Variants in FREM3 observed in about 807,000 individuals in gnomAD.
FREM3 encodes FRAS1 related extracellular matrix 3, also known as FRAS1-related extracellular matrix protein 3.
A neutral mutation model predicts 129.1 loss-of-function variants in FREM3; 105 were observed. The ratio of observed to expected loss-of-function variants is 0.81; its 90% CI spans 0.69 to 0.96. The LOEUF (loss-of-function observed/expected upper bound fraction) is 0.96. Among genes scored for constraint, FREM3 ranks in the 40% least tolerant of loss-of-function variants. The pLI, the probability that FREM3 is intolerant of heterozygous loss-of-function variation, is 0.00. For missense variants in FREM3, 2,593 were observed against 2,666.3 expected (o/e 0.97, Z 0.61); for synonymous variants, 1,014 against 1,044.9 (o/e 0.97, Z 0.57).
chr4:143,595,608 C>A (rs1738456686), intron 6 of FREM3, among the ~76,000 whole-genome samples: 1 of 152,094 alleles, frequency 6.6e-6, no homozygotes. Flanking sequence ...AAGAAGGGAG[C>A]CGGGCACCGT....
chr4:143,654,183 A>G (rs1739558368), intron 2 of FREM3, among the ~76,000 whole-genome samples: 1 of 152,210 alleles, frequency 6.6e-6, no homozygotes. Context: ...GCCCACTGCA[A>G]CATGCGCCTG....
chr4:143,645,281 A>T (rs557122851), intron 2 of FREM3: 1 of 152,178 alleles, frequency 6.6e-6, no homozygotes. Flanking sequence ...GCACCAATTT[A>T]CTCTGATTGA....
At chr4:143,616,146 A>C (rs894576755) in intron 5 of FREM3, among the ~76,000 whole-genome samples, 11 of 152,260 alleles carry the variant, frequency 7.2e-5, no homozygotes, top group African/African-American at 2.7e-4. Flanking sequence ...CAAAGTGCTT[A>C]ACAATGGAAG....
chr4:143,664,198 T>C (rs1739804245), intron 2 of FREM3, among the ~76,000 whole-genome samples: 1 of 152,154 alleles, frequency 6.6e-6, no homozygotes, highest in South Asian at 2.1e-4. Flanking sequence ...GCTCTGTTTT[T>C]TCCCCATCTT....
At chr4:143,663,818 G>A (rs13105235) in intron 2 of FREM3, among the ~76,000 whole-genome samples, 38 of 151,596 alleles carry the variant, frequency 2.5e-4, no homozygotes, top group Non-Finnish European at 3.5e-4. Context: ...TTCCCTTCTC[G>A]CTTCATTTCA....
chr4:143,699,799 G>C lies in FREM3; in HGVS notation c.877C>G (p.Leu293Val), dbSNP rs1001115037. ...GVLVREHFQL[L>V]VRIRGGAENT... ...TCGGCTCCGCCGCGGATCCTCACGA[G>C]CAGCTGGAAGTGCTCGCGGACCAGC... The change falls in exon 1 of 8, where the codon CTC (leucine) becomes GTC (valine). Residue 293 changes from leucine to valine, a missense_variant. Physicochemically the swap from Leu to Val is conservative, Grantham distance 32. This residue lies in a region of FREM3 where 2,276 missense variants were observed against 2,267.2 expected (regional missense o/e 1.00). Transcript: ENST00000329798. This position sits in a 1 kb window ranked among gnomAD's most constrained non-coding sequence, Gnocchi z 4.2. 7.8e-6 allele frequency: 12 copies of C among 1,536,088 alleles called. No homozygotes were observed. Among genetic ancestry groups the C allele is most frequent in the Non-Finnish European group, 1.0e-5 (12 of 1,146,704 alleles).
intron 6 of FREM3, among the ~76,000 whole-genome samples, chr4:143,592,090 T>C (rs1205078759): frequency 3.3e-5 from 5 of 152,230 alleles, no homozygotes; most frequent in Non-Finnish European, 7.3e-5. Context: ...TTCCATTTGC[T>C]TGGTAGATCT....
intron 2 of FREM3, among the ~76,000 whole-genome samples, chr4:143,650,847 G>T (rs1029583432): frequency 6.6e-6 from 1 of 152,144 alleles, no homozygotes; most frequent in Non-Finnish European, 1.5e-5. Flanking sequence ...ACCCTCTCCA[G>T]TGTACAGGCT....
intron 2 of FREM3, among the ~76,000 whole-genome samples, chr4:143,691,750 T>G (rs1256102583): frequency 6.6e-6 from 1 of 152,210 alleles, no homozygotes; most frequent in African/African-American, 2.4e-5. Flanking sequence ...TACATAATAT[T>G]CACCTTACAG....
intron 2 of FREM3, among the ~76,000 whole-genome samples, chr4:143,648,823 C>A (rs1259803655): frequency 6.6e-6 from 1 of 152,168 alleles, no homozygotes; most frequent in African/African-American, 2.4e-5. Context: ...AGTGCAATGG[C>A]ATGATCATAG....
chr4:143,698,938 G>C lies in FREM3; in HGVS notation c.1738C>G (p.His580Asp). ...TDIDSEDSTI[H>D]FVLENQPLKG... The stretch of plus-strand genomic sequence containing the variant: ...AGGGGCTGGTTCTCCAGCACAAAGT[G>C]GATGGTTGAGTCCTCAGAGTCAATA... Residue 580 changes from histidine to aspartate, a missense_variant, in exon 1 of 8, where the codon CAC becomes GAC. Transcript: ENST00000329798. The C allele has an allele frequency of 6.5e-7, 1 of 1,537,274 alleles. No individual in the cohort carries two copies. The highest frequency in any genetic ancestry group is 8.7e-7 in the Non-Finnish European group (1 of 1,146,920).
In FREM3 at chr4:143,700,070, G is replaced by T. The variant is rs1387798191; in HGVS notation, c.606C>A (p.Ala202=). The part of the protein sequence containing the change: ...VLDFASLKSG[A]TATRRCRLTP... The stretch of plus-strand genomic sequence containing the variant: ...TAAGCCGGCACCTGCGGGTGGCCGT[G>T]GCTCCAGACTTCAGGGAGGCGAAGT... Residue 202 remains alanine (A), a synonymous_variant, in exon 1 of 8, where the codon GCC becomes GCA. Coordinates refer to ENST00000329798, the MANE Select transcript of FREM3 (RefSeq NM_001168235.2). 5 of 1,525,108 alleles carry T rather than the reference G, an allele frequency of 3.3e-6. No individual in the cohort carries two copies. The highest frequency in any genetic ancestry group is 4.4e-6 in the Non-Finnish European group (5 of 1,137,936). The allele number at this position is 1,525,108 out of a possible 1,614,324, so 94.5% of individuals were successfully genotyped here. A position where few individuals can be genotyped will look rare whatever the true frequency, so the allele number is the denominator to read the frequency against.
Position 143,698,446 on chromosome 4 carries a change from G to A in FREM3, c.2230C>T (p.Leu744=), listed in dbSNP as rs1376795552. ...TCTGTGTCAGTCGGGAGTGTCAGTAGGGTGTACCATAGGTTCTGGTCATCA... is the reference window on the plus strand; with the variant it reads ...TCTGTGTCAGTCGGGAGTGTCAGTAAGGTGTACCATAGGTTCTGGTCATCA... The part of the protein sequence containing the change: ...DSDDQNLWYT[L]LTLPTDTDGN... The change falls in exon 1 of 8, where the codon CTA becomes TTA. Residue 744 remains leucine (L), a synonymous_variant. Coordinates refer to ENST00000329798, the MANE Select transcript of FREM3 (RefSeq NM_001168235.2). 15 of 1,537,882 alleles carry A rather than the reference G, an allele frequency of 9.8e-6. No individual in the cohort carries two copies. In the East Asian group the frequency reaches 3.7e-4, roughly 38 times the overall value.
Position 143,697,126 on chromosome 4 carries a change from T to G in FREM3, c.3550A>C (p.Ile1184Leu), listed in dbSNP as rs760430316. ...INFSPNVFFPIIILPTNDEQP... is the reference protein window; with the variant it reads ...INFSPNVFFPLIILPTNDEQP... ...TCATCATTGGTGGGTAGGATGATTA[T>G]AGGGAAGAAGACATTTGGGGAGAAG... The change falls in exon 1 of 8, where the codon ATA becomes CTA. Residue 1184 changes from isoleucine (I) to leucine (L), a missense_variant. Around this residue, in one of 2 missense-constraint regions of FREM3, gnomAD observed 2,276 missense variants for 2,267.2 expected, o/e 1.00. Coordinates refer to ENST00000329798, the MANE Select transcript of FREM3 (RefSeq NM_001168235.2). 5 of 1,537,736 alleles carry G rather than the reference T, an allele frequency of 3.3e-6. No homozygotes were observed. The highest frequency in any genetic ancestry group is 3.5e-6 in the Non-Finnish European group (4 of 1,147,044).
At chr4:143,667,553 C>T (rs1739886219) in intron 2 of FREM3, among the ~76,000 whole-genome samples, 1 of 151,844 alleles carries the variant, frequency 6.6e-6, no homozygotes, top group Non-Finnish European at 1.5e-5. Flanking sequence ...TTTTTTCTCC[C>T]AGTTCCTTGC....
chr4:143,624,986 A>C (rs1160878482), intron 3 of FREM3, among the ~76,000 whole-genome samples: 1 of 152,126 alleles, frequency 6.6e-6, no homozygotes, highest in African/African-American at 2.4e-5. Context: ...TTTTTCAGGC[A>C]ATTAGTGCAA....
chr4:143,580,855 T>C (rs1738130526), intron 7 of FREM3, among the ~76,000 whole-genome samples: 1 of 152,208 alleles, frequency 6.6e-6, no homozygotes, highest in African/African-American at 2.4e-5. Flanking sequence ...ACAGCACAGC[T>C]GCCTTATGGA....
intron 6 of FREM3, among the ~76,000 whole-genome samples, chr4:143,597,995 T>C (rs370365462): frequency 2.6e-5 from 4 of 152,188 alleles, no homozygotes; most frequent in South Asian, 2.1e-4. Context: ...TATACACTTA[T>C]ATGACAAAAG....
rs1419882237 is a variant in FREM3, at chr4:143,699,473, G to C, written c.1203C>G (p.Leu401=). The C allele has an allele frequency of 6.5e-7, 1 of 1,537,324 alleles. No homozygotes were observed. Among genetic ancestry groups the C allele is most frequent in the African/African-American group, 1.4e-5 (1 of 73,192 alleles). ...PPAENSHGER[L]FQLELEVVDG... The stretch of plus-strand genomic sequence containing the variant: ...CCACCACCTCCAGCTCCAGCTGAAA[G>C]AGGCGCTCCCCATGGGAGTTCTCTG... The change falls in exon 1 of 8, where the codon CTC becomes CTG. Residue 401 remains leucine, a synonymous_variant. Transcript: ENST00000329798. The surrounding 1 kb of genome is among the most constrained non-coding windows in gnomAD (Gnocchi z 4.2).
Sources: allele counts gnomAD v4.1 joint callset (sites outside exome capture counted in the v4.1 genomes callset), GRCh38; gene constraint gnomAD v4.1.1; regional missense constraint gnomAD v4.1.1; non-coding constraint Gnocchi (gnomAD v3.1); transcripts MANE v1.5; gene names NCBI Gene and HGNC (gene_info 2026-07-23, HGNC 2026-07-21).